SH3GL2: variants seen among roughly 807,000 people sequenced by gnomAD.
The protein encoded by SH3GL2 is endophilin-A1.
SH3GL2 carries 24 observed loss-of-function variants against 46.0 expected under a neutral mutation model. The ratio of observed to expected loss-of-function variants is 0.52; its 90% CI spans 0.38 to 0.73. The LOEUF (loss-of-function observed/expected upper bound fraction) is 0.73. Ranked by LOEUF, SH3GL2 falls within the 30% of genes least tolerant of loss-of-function variation. The pLI is 0.00. For synonymous variants in SH3GL2, 196 were observed against 147.1 expected, an observed-to-expected ratio of 1.33 and a Z score of -2.40; for missense variants, 413 against 424.2, an observed-to-expected ratio of 0.97 and a Z score of 0.23.
At chr9:17,750,546 A>G (rs993281887) in intron 2 of SH3GL2, among the ~76,000 whole-genome samples, 21 of 151,936 alleles carry the variant, frequency 1.4e-4, no homozygotes, top group Non-Finnish European at 2.2e-4. Flanking sequence ...CCTGCCCATC[A>G]TTATTTCTCT....
intron 1 of SH3GL2, among the ~76,000 whole-genome samples, chr9:17,744,441 C>G (rs1431958772): frequency 3.3e-5 from 5 of 152,002 alleles, no homozygotes; most frequent in African/African-American, 4.8e-5. Context: ...TCACGGCTCA[C>G]TGTGGCCTCA....
At chr9:17,596,644 C>G (rs547662273) in intron 1 of SH3GL2, among the ~76,000 whole-genome samples, 94 of 152,326 alleles carry the variant, frequency 6.2e-4, no homozygotes, top group African/African-American at 2.2e-3. Flanking sequence ...CCAGTGATCC[C>G]TGTTGAACTT....
At chr9:17,788,500 G>T (rs1824026372) in intron 5 of SH3GL2, among the ~76,000 whole-genome samples, 1 of 151,772 alleles carries the variant, frequency 6.6e-6, no homozygotes, top group Non-Finnish European at 1.5e-5. Context: ...ATACATACTA[G>T]TAACAAGGGA....
At chr9:17,788,373 G>A (rs976797042) in intron 5 of SH3GL2, among the ~76,000 whole-genome samples, 9 of 152,256 alleles carry the variant, frequency 5.9e-5, no homozygotes, top group African/African-American at 2.2e-4. Context: ...ATCAGGGCAT[G>A]GACTGAGGGG....
At chr9:17,721,984 C>T (rs771842981) in intron 1 of SH3GL2, among the ~76,000 whole-genome samples, 3 of 152,168 alleles carry the variant, frequency 2.0e-5, no homozygotes, top group South Asian at 2.1e-4. Flanking sequence ...TGATAGTTAA[C>T]GCTGGTGCCT....
chr9:17,789,607 T>G, intron 6 of SH3GL2, 57 bp downstream of exon 6: 1 of 1,604,374 alleles, frequency 6.2e-7, no homozygotes, highest in Non-Finnish European at 8.5e-7. Context: ...AACATTAATA[T>G]GTTAAAGGCC....
intron 3 of SH3GL2, among the ~76,000 whole-genome samples, chr9:17,775,255 T>C (rs1312601210): frequency 6.6e-6 from 1 of 152,196 alleles, no homozygotes; most frequent in African/African-American, 2.4e-5. Context: ...TTTCCATCAA[T>C]TAAAGACATC....
chr9:17,735,362 A>G lies in SH3GL2; in HGVS notation c.46-11704A>G, dbSNP rs530383069. 4.6e-5 allele frequency among the ~76,000 whole-genome samples: 7 copies of G among 152,256 alleles called. No homozygotes were observed. In the East Asian group the frequency reaches 9.7e-4, roughly 21 times the overall value. ...GAGTATAAGCACCCTGAATCTATAG[A>G]AAATCCAGAAATGTCCATTATTTAT... On this transcript the variant is annotated intron_variant, in intron 1 of 8. Transcript: ENST00000380607.
chr9:17,580,779 A>G (rs185143527), intron 1 of SH3GL2, among the ~76,000 whole-genome samples: 1 of 152,320 alleles, frequency 6.6e-6, no homozygotes, highest in African/African-American at 2.4e-5. Flanking sequence ...CTTCGATATT[A>G]CTAACCTTTT....
At chr9:17,741,642 G>C (rs1588292001) in intron 1 of SH3GL2, among the ~76,000 whole-genome samples, 1 of 152,130 alleles carries the variant, frequency 6.6e-6, no homozygotes, top group Admixed American at 6.5e-5. Context: ...TGCAATTTTT[G>C]GTTTTAGAAT....
rs572910512 is a variant in SH3GL2 at position 17,594,621 on chromosome 9, A to G, written c.45+15334A>G. Among the ~76,000 whole-genome samples, 87 of 152,220 alleles carry G rather than the reference A, an allele frequency of 5.7e-4. 1 individual carries two copies. The highest frequency in any genetic ancestry group is 2.1e-3 in the African/African-American group (87 of 41,536). On this transcript the variant is annotated intron_variant, in intron 1 of 8. Transcript: ENST00000380607. ...TGTAACAAACCTGCACGTTCTGCAC[A>G]TGTATCCTGGAACTTAAAGTAAAAT...
At chr9:17,738,043 G>A (rs1176183460) in intron 1 of SH3GL2, among the ~76,000 whole-genome samples, 1 of 152,016 alleles carries the variant, frequency 6.6e-6, no homozygotes, top group Non-Finnish European at 1.5e-5. Flanking sequence ...GTTAATGTAT[G>A]TACACCATTG....
At chr9:17,791,697 A>C (rs1027969462) in intron 7 of SH3GL2, among the ~76,000 whole-genome samples, 1 of 152,214 alleles carries the variant, frequency 6.6e-6, no homozygotes, top group Non-Finnish European at 1.5e-5. Flanking sequence ...AAGTGTTTTT[A>C]GCCTCGACTA....
chr9:17,732,934 C>G (rs532942791), intron 1 of SH3GL2, among the ~76,000 whole-genome samples: 98 of 152,154 alleles, frequency 6.4e-4, no homozygotes, highest in African/African-American at 2.2e-3. Context: ...ATCAGGGGAC[C>G]TGGGTTTCAG....
At position 17,651,191 on chromosome 9, in the gene SH3GL2, T is replaced by C. The variant is rs143617310; in HGVS notation, c.45+71904T>C. ...GCTTTATTTTCTTGAAAAAAATGTC[T>C]AAGCCATTTTTTTCTCCATGTATAT... On this transcript the variant is annotated intron_variant, in intron 1 of 8. Transcript: ENST00000380607. Among the ~76,000 whole-genome samples, 192 of 152,316 alleles carry C rather than the reference T, an allele frequency of 1.3e-3. 1 individual carries two copies. The highest frequency in any genetic ancestry group is 4.1e-3 in the African/African-American group (171 of 41,578).
At chr9:17,746,972 C>A in intron 1 of SH3GL2, 94 bp from the exon 2 acceptor site, 1 of 791,190 alleles carries the variant, frequency 1.3e-6, no homozygotes, top group Non-Finnish European at 2.1e-6. Context: ...TGTGAGATTA[C>A]ATTAGATGAC....
chr9:17,621,750 G>A (rs549820538), intron 1 of SH3GL2, among the ~76,000 whole-genome samples: 1 of 152,162 alleles, frequency 6.6e-6, no homozygotes, highest in African/African-American at 2.4e-5. Context: ...TGTGGTAAGT[G>A]GTGGAGAGTT....
chr9:17,586,711 G>A (rs189582671), intron 1 of SH3GL2, among the ~76,000 whole-genome samples: 4 of 152,272 alleles, frequency 2.6e-5, no homozygotes, highest in Admixed American at 6.5e-5. Context: ...GTCAGCTCTC[G>A]TGAGAATTCA....
intron 1 of SH3GL2, among the ~76,000 whole-genome samples, chr9:17,723,971 G>T (rs922196161): frequency 4.6e-5 from 7 of 152,090 alleles, no homozygotes; most frequent in African/African-American, 1.7e-4. Context: ...GGTTCTCTTT[G>T]AGTTTTTTGT....
Sources: gnomAD v4.1 joint callset for allele counts (sites outside exome capture counted in the v4.1 genomes callset) on GRCh38, gnomAD v4.1.1 for gene constraint, MANE v1.5 for transcripts, NCBI Gene and HGNC (gene_info 2026-07-23, HGNC 2026-07-21) for gene names.